The following WNK3 variants were observed in gnomAD, a reference collection of about 807,000 sequenced individuals.
WNK3 encodes the protein WNK lysine deficient protein kinase 3.
Under a neutral mutation model 116.7 loss-of-function variants are expected in WNK3, and 18 were observed. The observed-to-expected ratio is 0.15, with a 90% CI of 0.11 to 0.23. The LOEUF (loss-of-function observed/expected upper bound fraction) is 0.23. Among genes scored for constraint, WNK3 ranks in the 10% least tolerant of loss-of-function variants. The pLI, the probability that WNK3 is intolerant of heterozygous loss-of-function variation, is 1.00. For synonymous variants in WNK3, 404 were observed against 469.4 expected (o/e 0.86, Z 1.80); for missense variants, 993 against 1,323.8 (o/e 0.75, Z 3.88).
chrX:54,330,815 A>G (rs1480395530), intron 2 of WNK3, among the ~76,000 whole-genome samples: 1 of 110,397 alleles, frequency 9.1e-6, no homozygotes, highest in African/African-American at 3.3e-5. Context: ...CGTTGTGCAC[A>G]TGTATCCTAA....
chrX:54,307,779 C>A (rs1161597021), intron 5 of WNK3, 143 bp downstream of exon 5: 2 of 471,155 alleles, frequency 4.2e-6, no homozygotes, highest in Non-Finnish European at 7.0e-6. Flanking sequence ...TGGTATAAAT[C>A]TAAGGCTTGT....
intron 3 of WNK3, 86 bp downstream of exon 3, chrX:54,311,033 G>T: frequency 1.4e-6 from 1 of 704,504 alleles, no homozygotes; most frequent in Non-Finnish European, 2.0e-6. Flanking sequence ...AAAATTCTTT[G>T]AGTAGTTTTA....
intron 1 of WNK3, among the ~76,000 whole-genome samples, chrX:54,346,727 T>C (rs1261616059): frequency 9.0e-6 from 1 of 111,455 alleles, no homozygotes; most frequent in East Asian, 2.8e-4. Flanking sequence ...TCATTCTTCA[T>C]TGCATTTGTG....
In WNK3 at chrX:54,314,171, C is replaced by T. The variant is rs782364313; in HGVS notation, c.538-2880G>A. Among the ~76,000 whole-genome samples the T allele has an allele frequency of 9.4e-5, 9 of 95,239 alleles. No homozygotes were observed. The East Asian group carries it at 1.6e-3, about 17-fold the overall frequency. 82.7% of individuals were successfully genotyped at this position (95,239 alleles called of 115,157 possible). On this transcript the variant is annotated intron_variant, in intron 2 of 23. Transcript: ENST00000354646. ...GCATGCCACTGCACTCCAGCCTGGG[C>T]GACAGAGTGAGACTCTGTCTCAAAA...
chrX:54,225,261 T>G lies in WNK3; in HGVS notation c.4870+3453A>C, dbSNP rs782327035. Among the ~76,000 whole-genome samples, 565 of 107,624 alleles carry G rather than the reference T, an allele frequency of 5.2e-3. 6 individuals carry two copies. The highest frequency in any genetic ancestry group is 0.019 in the African/African-American group (552 of 29,647). 93.5% of individuals were successfully genotyped at this position (107,624 alleles called of 115,157 possible). On this transcript the variant is annotated intron_variant, in intron 22 of 23. Coordinates refer to ENST00000354646, the Ensembl canonical transcript of WNK3. ...GTGAGACCCTGCCTCAAAATAATAA[T>G]AATAATAATAATAATAAGCACAAAA...
intron 17 of WNK3, among the ~76,000 whole-genome samples, chrX:54,244,713 G>A (rs782192342): frequency 8.9e-6 from 1 of 111,835 alleles, no homozygotes; most frequent in African/African-American, 3.2e-5. Context: ...GTAAAGTGCT[G>A]ATTTACTGAG....
At chrX:54,278,787 T>C (rs112770700) in intron 10 of WNK3, among the ~76,000 whole-genome samples, 53 of 111,770 alleles carry the variant, frequency 4.7e-4, no homozygotes, top group Non-Finnish European at 8.5e-4. Context: ...AACATTAACA[T>C]AGGCCGGGCG....
intron 2 of WNK3, among the ~76,000 whole-genome samples, chrX:54,327,671 A>T (rs2069121759): frequency 9.0e-6 from 1 of 111,425 alleles, no homozygotes; most frequent in African/African-American, 3.3e-5. Context: ...TGGCAGACAG[A>T]GTGAGACTCT....
At chrX:54,268,119 C>T (rs933257533) in intron 10 of WNK3, among the ~76,000 whole-genome samples, 1 of 108,576 alleles carries the variant, frequency 9.2e-6, no homozygotes, top group Admixed American at 1.0e-4. Context: ...CACACACACA[C>T]ACACACACTT....
chrX:54,354,497 C>A (rs1308571045), intron 1 of WNK3, among the ~76,000 whole-genome samples: 1 of 110,241 alleles, frequency 9.1e-6, no homozygotes, highest in Admixed American at 9.8e-5. Context: ...AAAATTTAAG[C>A]CCTCCAGGAA....
At chrX:54,222,792 C>G (rs1412298128) in intron 22 of WNK3, among the ~76,000 whole-genome samples, 1 of 103,499 alleles carries the variant, frequency 9.7e-6, no homozygotes, top group Non-Finnish European at 2.0e-5. Flanking sequence ...AGAAGAATCA[C>G]TTGAACCCGG....
chrX:54,222,432 G>A (rs1436093639), intron 22 of WNK3, among the ~76,000 whole-genome samples: 7 of 105,796 alleles, frequency 6.6e-5, no homozygotes, highest in Non-Finnish European at 9.7e-5. Context: ...GGTAGCATGC[G>A]CCTATGGTCC....
At position 54,259,267 on chromosome X, in the gene WNK3, T is replaced by C. The variant is rs1557156203; in HGVS notation, c.2102+7A>G. On this transcript the variant is annotated splice_region_variant and intron_variant, in intron 11 of 23. Transcript: ENST00000354646. ...TGTTCTCATGGTATTAATTTGAAGA[T>C]ACTTACCTTCGAACTAAATCTGGTT... The C allele has an allele frequency of 3.4e-6, 4 of 1,168,369 alleles. No individual in the cohort carries two copies. Among genetic ancestry groups the C allele is most frequent in the Admixed American group, 4.5e-5 (2 of 44,388 alleles).
intron 10 of WNK3, among the ~76,000 whole-genome samples, chrX:54,271,571 A>G (rs782212802): frequency 2.1e-4 from 24 of 112,544 alleles, no homozygotes; most frequent in Non-Finnish European, 3.4e-4. Flanking sequence ...TATTGAGTCC[A>G]AATTGTTAGA....
chrX:54,239,258 A>G (rs2067998385), intron 17 of WNK3, among the ~76,000 whole-genome samples, 159 bp from the exon 18 acceptor site: 1 of 110,577 alleles, frequency 9.0e-6, no homozygotes, highest in East Asian at 2.8e-4. Context: ...CCCAAAATAG[A>G]GTATTACGTA....
At chrX:54,199,528 A>G (rs2067480660) in intron 23 of WNK3, among the ~76,000 whole-genome samples, 2 of 111,627 alleles carry the variant, frequency 1.8e-5, no homozygotes, top group African/African-American at 6.5e-5. Context: ...TTAAATGGCT[A>G]TTTATCTTTC....
intron 10 of WNK3, among the ~76,000 whole-genome samples, chrX:54,278,423 A>C (rs1360762428): frequency 9.1e-6 from 1 of 110,337 alleles, no homozygotes; most frequent in Non-Finnish European, 1.9e-5. Context: ...AGAGCTAAAA[A>C]AAAAAACTTA....
intron 5 of WNK3, among the ~76,000 whole-genome samples, chrX:54,305,511 C>T (rs2068813862): frequency 9.0e-6 from 1 of 111,630 alleles, no homozygotes; most frequent in South Asian, 3.8e-4. Flanking sequence ...AGCCTCCCTC[C>T]CTTCCTGTTT....
chrX:54,302,759 T>TATATAC (rs1569538447), intron 5 of WNK3, among the ~76,000 whole-genome samples: 17 of 12,636 alleles, frequency 1.3e-3, no homozygotes, highest in African/African-American at 4.1e-3. Context: ...ATATATATAT[T>TATATAC]TTTTTTTTTT....
Sources: gnomAD v4.1 joint callset for allele counts (sites outside exome capture counted in the v4.1 genomes callset) on GRCh38, gnomAD v4.1.1 for gene constraint, MANE v1.5 for transcripts, NCBI Gene and HGNC (gene_info 2026-07-23, HGNC 2026-07-21) for gene names.